The following TENM4 variants were observed in gnomAD, a reference collection of about 807,000 sequenced individuals.
TENM4 encodes the protein teneurin transmembrane protein 4, also known as teneurin-4.
TENM4 carries 82 observed loss-of-function variants against 243.3 expected under a neutral mutation model. The observed-to-expected ratio is 0.34, with a 90% CI of 0.28 to 0.40. The LOEUF (loss-of-function observed/expected upper bound fraction) is 0.40. Ranked by LOEUF, TENM4 falls within the 10% of genes least tolerant of loss-of-function variation. The probability of loss-of-function intolerance (pLI) is 1.00; values close to 1 mark genes in which losing one functional copy is unlikely to be tolerated. For missense variants in TENM4, 3,138 were observed against 3,673.3 expected (o/e 0.85, Z 3.77); for synonymous variants, 1,412 against 1,456.3 (o/e 0.97, Z 0.69).
chr11:78,918,714 G>A (rs1256331850), intron 6 of TENM4, among the ~76,000 whole-genome samples: 1 of 152,030 alleles, frequency 6.6e-6, no homozygotes, highest in Non-Finnish European at 1.5e-5. Context: ...AAGCAAATTG[G>A]GATTCGGAGG....
chr11:79,063,933 T>C (rs1860168017), intron 6 of TENM4, among the ~76,000 whole-genome samples: 1 of 151,954 alleles, frequency 6.6e-6, no homozygotes, highest in Non-Finnish European at 1.5e-5. Flanking sequence ...ATCATTAAAG[T>C]TTATTTTTTT....
chr11:78,973,370 T>A (rs375147869), intron 6 of TENM4, among the ~76,000 whole-genome samples: 4 of 152,246 alleles, frequency 2.6e-5, no homozygotes. Context: ...CCAGCCACTA[T>A]AGTGGGTATG....
chr11:79,383,746 A>G (rs1302591791), intron 1 of TENM4, among the ~76,000 whole-genome samples: 1 of 152,176 alleles, frequency 6.6e-6, no homozygotes, highest in Non-Finnish European at 1.5e-5. Flanking sequence ...ACTGTAGTCT[A>G]AAACAAAACA....
chr11:78,786,060 A>C (rs1008210818), intron 16 of TENM4, among the ~76,000 whole-genome samples: 2 of 152,246 alleles, frequency 1.3e-5, no homozygotes, highest in African/African-American at 2.4e-5. Context: ...TGATTCAATA[A>C]AGAGCTTTTG....
At chr11:78,925,166 CA>C in intron 6 of TENM4, among the ~76,000 whole-genome samples, 1 of 152,120 alleles carries the variant, frequency 6.6e-6, no homozygotes, top group Non-Finnish European at 1.5e-5. Flanking sequence ...CCCAACAAAA[CA>C]AAACAGAGCA....
intron 1 of TENM4, among the ~76,000 whole-genome samples, chr11:79,329,522 G>C (rs773197664): frequency 2.0e-5 from 3 of 152,218 alleles, no homozygotes; most frequent in Non-Finnish European, 2.9e-5. Flanking sequence ...AGGAGCAGAG[G>C]TAAGTAGACA....
rs569152492 is a variant in TENM4 at position 78,949,413 on chromosome 11, A to G, written c.494-45890T>C. Among the ~76,000 whole-genome samples the G allele has an allele frequency of 1.6e-4, 24 of 152,392 alleles. No individual in the cohort carries two copies. In the South Asian group the frequency reaches 4.1e-3, roughly 26 times the overall value. ...GAATACATACATTGAGAGGAAGTCA[A>G]GATTGGGAATCAGAAGGCGTGGATT... On this transcript the variant is annotated intron_variant, in intron 6 of 33. Coordinates refer to ENST00000278550, the MANE Select transcript of TENM4 (RefSeq NM_001098816.3).
At chr11:79,281,188 G>A in intron 2 of TENM4, among the ~76,000 whole-genome samples, 1 of 152,120 alleles carries the variant, frequency 6.6e-6, no homozygotes, top group East Asian at 1.9e-4. Context: ...CCTTTGATAT[G>A]CCCAGGAACA....
intron 4 of TENM4, among the ~76,000 whole-genome samples, chr11:79,113,421 T>TGTC (rs2137111774): frequency 9.6e-6 from 1 of 104,560 alleles, no homozygotes; most frequent in African/African-American, 4.7e-5. Flanking sequence ...GTGTGTGTGT[T>TGTC]GTGTGTGTGA....
intron 9 of TENM4, among the ~76,000 whole-genome samples, chr11:78,865,147 T>C (rs1354083361): frequency 1.3e-5 from 2 of 152,208 alleles, no homozygotes; most frequent in African/African-American, 2.4e-5. Flanking sequence ...TATTATTTAT[T>C]GAGTACTTAA....
At chr11:78,772,040 A>AG (rs1856656152) in intron 17 of TENM4, among the ~76,000 whole-genome samples, 1 of 152,230 alleles carries the variant, frequency 6.6e-6, no homozygotes, top group African/African-American at 2.4e-5. Context: ...AATGCCCTAA[A>AG]GGAGACGTAC....
In TENM4 at chr11:78,856,119, C is replaced by G. The variant is rs1038052417; in HGVS notation, c.1315G>C (p.Gly439Arg). ...SFIDSGEIDV[G>R]RRASQKIPPG... is the part of the protein sequence containing the mutation. ...GGAATCTTCTGGGAAGCTCGCCTTC[C>G]CACATCAATTTCTCCAGAATCTATG... The change falls in exon 11 of 34, where the codon GGA (glycine) becomes CGA (arginine). Residue 439 changes from glycine to arginine, a missense_variant. Around this residue, in one of 2 missense-constraint regions of TENM4, gnomAD observed 671 missense variants for 614.1 expected, o/e 1.09. Transcript: ENST00000278550. 3 of 1,551,652 alleles carry G rather than the reference C, an allele frequency of 1.9e-6. No homozygotes were observed. Among genetic ancestry groups the G allele is most frequent in the Non-Finnish European group, 2.6e-6 (3 of 1,146,960 alleles).
Position 79,378,518 on chromosome 11 carries a change from G to T in TENM4, c.-321+61991C>A, listed in dbSNP as rs547330445. The stretch of plus-strand genomic sequence containing the variant: ...TCCCGGTCCAGACTGTCACCTGGGG[G>T]CATGCCTTGCTCTGAACCACTTCCA... On this transcript the variant is annotated intron_variant, in intron 1 of 33. Transcript: ENST00000278550. Among the ~76,000 whole-genome samples the T allele has an allele frequency of 2.0e-4, 31 of 152,304 alleles. 1 individual carries two copies. The highest frequency in any genetic ancestry group is 1.5e-5 in the Non-Finnish European group (1 of 68,026).
At chr11:79,216,818 C>A (rs998762961) in intron 2 of TENM4, among the ~76,000 whole-genome samples, 1 of 152,130 alleles carries the variant, frequency 6.6e-6, no homozygotes, top group Non-Finnish European at 1.5e-5. Context: ...TATAAACTAC[C>A]CAGTCTGAGG....
At chr11:78,668,365 C>T (rs997323588) in intron 32 of TENM4, among the ~76,000 whole-genome samples, 2 of 152,104 alleles carry the variant, frequency 1.3e-5, no homozygotes, top group East Asian at 1.9e-4. Context: ...CTTCAATTTA[C>T]GTATCAGGAA....
chr11:79,037,634 G>T (rs1466216523), intron 6 of TENM4, among the ~76,000 whole-genome samples: 1 of 152,056 alleles, frequency 6.6e-6, no homozygotes, highest in Non-Finnish European at 1.5e-5. Flanking sequence ...CAACCACCAT[G>T]TCTCAAATTT....
chr11:78,778,713 A>G, intron 16 of TENM4, 85 bp from the exon 17 acceptor site: 1 of 1,290,330 alleles, frequency 7.7e-7, no homozygotes, highest in African/African-American at 1.5e-5. Context: ...GATGCTACAC[A>G]GACAAAGGGA....
intron 2 of TENM4, among the ~76,000 whole-genome samples, chr11:79,274,620 A>G (rs1856022381): frequency 6.6e-6 from 1 of 152,162 alleles, no homozygotes; most frequent in Non-Finnish European, 1.5e-5. Context: ...CCCCTGGTGA[A>G]ACCCCAGCAT....
chr11:79,001,341 G>A (rs899552165), intron 6 of TENM4, among the ~76,000 whole-genome samples: 3 of 152,086 alleles, frequency 2.0e-5, no homozygotes, highest in Admixed American at 6.5e-5. Context: ...GGCTGAAGGC[G>A]GGGGGAAGCT....
Sources: allele counts gnomAD v4.1 joint callset (sites outside exome capture counted in the v4.1 genomes callset), GRCh38; gene constraint gnomAD v4.1.1; regional missense constraint gnomAD v4.1.1; transcripts MANE v1.5; gene names NCBI Gene and HGNC (gene_info 2026-07-23, HGNC 2026-07-21).